RNF216: variants seen among roughly 807,000 people sequenced by gnomAD.
RNF216 encodes ring finger protein 216, also known as E3 ubiquitin-protein ligase RNF216.
Under a neutral mutation model 110.8 loss-of-function variants are expected in RNF216, and 72 were observed. The observed-to-expected ratio is 0.65, with a 90% CI of 0.54 to 0.79. The LOEUF (loss-of-function observed/expected upper bound fraction) is 0.79. RNF216 is among the 30% of genes least tolerant of loss of function. The pLI, the probability that RNF216 is intolerant of heterozygous loss-of-function variation, is 0.00. For synonymous variants in RNF216, 495 were observed against 407.5 expected, an observed-to-expected ratio of 1.21 and a Z score of -2.59; for missense variants, 1,342 against 1,141.2, an observed-to-expected ratio of 1.18 and a Z score of -2.54.
Position 5,741,129 on chromosome 7 carries a change from T to G in RNF216, c.888A>C (p.Leu296=). 1 of 1,614,120 alleles carries G rather than the reference T, an allele frequency of 6.2e-7. No individual in the cohort carries two copies. Among genetic ancestry groups the G allele is most frequent in the Non-Finnish European group, 8.5e-7 (1 of 1,180,030 alleles). The change falls in exon 4 of 17, where the codon CTA becomes CTC. Residue 296 remains leucine (L), a synonymous_variant. Transcript: ENST00000389902. ...CTAACTGCTGGTCTTCAAACTCTCC[T>G]AGAGGATGGGCAGGCTGAGGAGAAG... ...GPSSPQPAHP[L]GEFEDQQLAS... is the part of the protein sequence containing the mutation.
chr7:5,763,287 G>C (rs569253055), intron 1 of RNF216, among the ~76,000 whole-genome samples: 5 of 152,124 alleles, frequency 3.3e-5, no homozygotes, highest in Admixed American at 6.6e-5. Flanking sequence ...AAAACTCACT[G>C]AACTATATAC....
intron 3 of RNF216, among the ~76,000 whole-genome samples, chr7:5,744,246 G>C (rs1794916370): frequency 6.6e-6 from 1 of 152,154 alleles, no homozygotes; most frequent in African/African-American, 2.4e-5. Flanking sequence ...AATAACTAAT[G>C]CTACATATGG....
At chr7:5,664,683 G>A (rs559024068) in intron 13 of RNF216, among the ~76,000 whole-genome samples, 3 of 152,310 alleles carry the variant, frequency 2.0e-5, no homozygotes, top group South Asian at 2.1e-4. Flanking sequence ...GCCAGTTGCC[G>A]CCCAAGGGTA....
chr7:5,779,279 G>A (rs1024152570), intron 1 of RNF216, among the ~76,000 whole-genome samples: 3 of 152,046 alleles, frequency 2.0e-5, no homozygotes, highest in South Asian at 2.1e-4. Flanking sequence ...GGGGCTTCAG[G>A]AGTTCTCTTT....
chr7:5,721,483 G>C lies in RNF216; in HGVS notation c.1505-311C>G, dbSNP rs140180290. On this transcript the variant is annotated intron_variant, in intron 8 of 16. Coordinates refer to ENST00000389902, the MANE Select transcript of RNF216 (RefSeq NM_207111.4). ...TCTATTTCACTACTGAGGACATTTG[G>C]GTTTGCTGTTTTGGGTTAATCTGAA... Among the ~76,000 whole-genome samples the C allele has an allele frequency of 5.6e-3, 849 of 152,250 alleles. 8 individuals are homozygous for C. The highest frequency in any genetic ancestry group is 0.027 in the Middle Eastern group (8 of 294).
At chr7:5,740,104 CTTTTTTTTTTTTTTTTT>C (rs71004698) in intron 4 of RNF216, among the ~76,000 whole-genome samples, 2 of 118,502 alleles carry the variant, frequency 1.7e-5, no homozygotes, top group African/African-American at 6.9e-5. Flanking sequence ...GATGTAACAC[CTTTTTTTTTTTTTTTTT>C]TTTTTTTTTT....
chr7:5,715,720 C>G (rs1793009579), intron 10 of RNF216, among the ~76,000 whole-genome samples: 2 of 146,186 alleles, frequency 1.4e-5, no homozygotes, highest in African/African-American at 5.0e-5. Context: ...GCAACGGATC[C>G]AATCACCAAC....
intron 4 of RNF216, among the ~76,000 whole-genome samples, chr7:5,740,419 C>T (rs1259819434): frequency 6.6e-6 from 1 of 152,140 alleles, no homozygotes; most frequent in African/African-American, 2.4e-5. Context: ...AGCCAGCACG[C>T]CCAGCCCTTG....
intron 14 of RNF216, among the ~76,000 whole-genome samples, chr7:5,642,040 AAAAAAG>A (rs1298678858): frequency 2.7e-5 from 4 of 146,560 alleles, no homozygotes; most frequent in South Asian, 4.4e-4. Context: ...CTTAAAAAAA[AAAAAAG>A]AAAAAAAAAA....
chr7:5,757,703 A>G (rs1795716502), intron 2 of RNF216, among the ~76,000 whole-genome samples: 1 of 152,254 alleles, frequency 6.6e-6, no homozygotes, highest in Non-Finnish European at 1.5e-5. Context: ...AAAGCAGATT[A>G]GTGGTTTCCT....
At chr7:5,780,730 T>TA (rs1291813118) in intron 1 of RNF216, among the ~76,000 whole-genome samples, 1 of 150,580 alleles carries the variant, frequency 6.6e-6, no homozygotes, top group Non-Finnish European at 1.5e-5. Flanking sequence ...AAAAAAAAAG[T>TA]AAAAGAAAAA....
intron 16 of RNF216, among the ~76,000 whole-genome samples, chr7:5,623,397 C>G (rs1249705201): frequency 2.0e-5 from 3 of 152,048 alleles, no homozygotes; most frequent in African/African-American, 7.2e-5. Context: ...GAAGGTGGCA[C>G]GTCCACCCAC....
Position 5,752,343 on chromosome 7 carries a change from T to G in RNF216, c.201+503A>C, listed in dbSNP as rs528784362. On this transcript the variant is annotated intron_variant, in intron 3 of 16. Transcript: ENST00000389902. ...TGAGGAATATTAAAGTAGCCTTGAC[T>G]ATATGAAAAGACAAAATTTGTTCTT... 4.6e-5 allele frequency among the ~76,000 whole-genome samples: 7 copies of G among 152,316 alleles called. No individual in the cohort carries two copies. In the East Asian group the frequency reaches 1.3e-3, roughly 29 times the overall value.
At chr7:5,702,416 G>A (rs1214102287) in intron 13 of RNF216, among the ~76,000 whole-genome samples, 1 of 152,198 alleles carries the variant, frequency 6.6e-6, no homozygotes, top group Non-Finnish European at 1.5e-5. Flanking sequence ...TTGGCGTTTT[G>A]TTATAATGCG....
chr7:5,628,686 T>C (rs1311572000), intron 15 of RNF216, among the ~76,000 whole-genome samples: 3 of 54,474 alleles, frequency 5.5e-5, no homozygotes, highest in Admixed American at 1.6e-4. Context: ...CATATCTGAC[T>C]TTTTTTTTTT....
chr7:5,715,218 A>G (rs748065015), intron 10 of RNF216, 28 bp from the exon 11 acceptor site: 3 of 1,607,340 alleles, frequency 1.9e-6, no homozygotes, highest in Non-Finnish European at 2.5e-6. Context: ...ACACACATGA[A>G]ATGTCCTGCA....
chr7:5,701,515 C>CTT (rs1445372742), intron 13 of RNF216, among the ~76,000 whole-genome samples: 2 of 152,308 alleles, frequency 1.3e-5, no homozygotes, highest in Admixed American at 1.3e-4. Flanking sequence ...TGACACTTTA[C>CTT]CCACGCTGTT....
intron 1 of RNF216, among the ~76,000 whole-genome samples, chr7:5,780,885 G>A (rs1797047610): frequency 6.6e-6 from 1 of 152,216 alleles, no homozygotes; most frequent in Admixed American, 6.5e-5. Context: ...GTGGCCCAGA[G>A]TCTTGGATCC....
intron 1 of RNF216, chr7:5,775,012 G>T (rs1339187342): frequency 6.6e-6 from 1 of 152,142 alleles, no homozygotes. Flanking sequence ...CACCAAAGTG[G>T]TGAGATTACA....
Sources: allele counts gnomAD v4.1 joint callset (sites outside exome capture counted in the v4.1 genomes callset), GRCh38; gene constraint gnomAD v4.1.1; transcripts MANE v1.5; gene names NCBI Gene and HGNC (gene_info 2026-07-23, HGNC 2026-07-21).